The following MOB1A variants were observed in gnomAD, a reference collection of about 807,000 sequenced individuals.
MOB1A encodes the protein MOB kinase activator 1A, also known as MOB1 Mps One Binder homolog A.
In MOB1A, 10 loss-of-function variants were observed where a neutral mutation model predicts 25.1. The ratio of observed to expected loss-of-function variants is 0.40; its 90% confidence interval spans 0.25 to 0.68. The LOEUF (loss-of-function observed/expected upper bound fraction) is 0.68, where lower values mean the gene tolerates loss of function less well. MOB1A is among the 30% of genes least tolerant of loss of function. MOB1A has a pLI of 0.40. For synonymous variants in MOB1A, 81 were observed against 79.5 expected (o/e 1.02, Z -0.10); for missense variants, 177 against 256.3 (o/e 0.69, Z 2.11).
Position 74,156,612 on chromosome 2 carries a change from G to A in MOB1A, c.607C>T (p.Pro203Ser). 1 of 1,555,728 alleles carries A rather than the reference G, an allele frequency of 6.4e-7. No homozygotes were observed. The highest frequency in any genetic ancestry group is 8.7e-7 in the Non-Finnish European group (1 of 1,148,704). ...FNLIDRRELAPLQELIEKLGS... is the reference protein window; with the variant it reads ...FNLIDRRELASLQELIEKLGS... ...AGTTTCTCTATTAATTCTTGAAGAG[G>A]TGCCAGCTCACGCCTATCAATCAGA... is the stretch of plus-strand genomic sequence containing the variant. The change falls in exon 6 of 6, where the codon CCT (proline) becomes TCT (serine). Residue 203 changes from proline to serine, a missense_variant. Coordinates refer to ENST00000396049, the MANE Select transcript of MOB1A (RefSeq NM_018221.5).
rs1265255789 is a variant in MOB1A, at chr2:74,155,853, C to T, written c.*715G>A. On this transcript the variant is annotated 3_prime_UTR_variant, in exon 6 of 6. Transcript: ENST00000396049. ...AGACATTAAAAAATTACTTCTGATA[C>T]ACACACTCCTAATAATTTAGATAGA... The T allele has an allele frequency of 6.6e-6, 1 of 152,232 alleles. No individual in the cohort carries two copies. The highest frequency in any genetic ancestry group is 2.4e-5 in the African/African-American group (1 of 41,434). 9.4% of individuals were successfully genotyped at this position (152,232 alleles called of 1,614,324 possible). A position where few individuals can be genotyped will look rare whatever the true frequency, so the allele number is the denominator to read the frequency against.
intron 1 of MOB1A, chr2:74,173,274 C>T (rs551690047): frequency 2.0e-6 from 1 of 495,694 alleles, no homozygotes; most frequent in Non-Finnish European, 4.0e-6. Flanking sequence ...ACTATGCCCT[C>T]TGAAGAAGTC....
At chr2:74,175,816 C>A (rs565821308) in intron 1 of MOB1A, among the ~76,000 whole-genome samples, 6 of 152,130 alleles carry the variant, frequency 3.9e-5, no homozygotes, top group African/African-American at 1.4e-4. Context: ...CAGCAGGAGC[C>A]CATTTTGTAA....
In MOB1A at chr2:74,153,215, G is replaced by A. The variant is rs899468862; in HGVS notation, c.*3353C>T. 1.3e-5 allele frequency: 2 copies of A among 152,126 alleles called. No homozygotes were observed. Among genetic ancestry groups the A allele is most frequent in the Admixed American group, 6.6e-5 (1 of 15,258 alleles). The allele number at this position is 152,126 out of a possible 1,614,324, so 9.4% of individuals were successfully genotyped here. ...CGGTAGCACCAGCACCATGACTAGG[G>A]CTGCTTTAAAACAAATTTCTAGGAC... is the stretch of plus-strand genomic sequence containing the variant. On this transcript the variant is annotated 3_prime_UTR_variant, in exon 6 of 6. Transcript: ENST00000396049.
chr2:74,170,107 A>C (rs1364403162), intron 2 of MOB1A, among the ~76,000 whole-genome samples: 1 of 151,330 alleles, frequency 6.6e-6, no homozygotes, highest in Non-Finnish European at 1.5e-5. Flanking sequence ...AACAGATGAT[A>C]ATCTGAATAA....
intron 1 of MOB1A, among the ~76,000 whole-genome samples, chr2:74,175,448 G>A (rs1248021514): frequency 1.3e-5 from 2 of 152,184 alleles, no homozygotes; most frequent in Non-Finnish European, 2.9e-5. Flanking sequence ...AAAGGTTAGG[G>A]ACCACTGGAC....
intron 2 of MOB1A, among the ~76,000 whole-genome samples, chr2:74,172,012 T>C (rs141200166): frequency 6.6e-6 from 1 of 152,356 alleles, no homozygotes; most frequent in East Asian, 1.9e-4. Flanking sequence ...CCAGAAATGA[T>C]ATCATCTCAG....
At chr2:74,164,242 G>A (rs1242917278) in intron 4 of MOB1A, 2 of 152,236 alleles carry the variant, frequency 1.3e-5, no homozygotes, top group Non-Finnish European at 2.9e-5. Flanking sequence ...TTCCCAGCCA[G>A]GCGTGGTGGC....
chr2:74,171,305 A>C (rs1445646352), intron 2 of MOB1A, among the ~76,000 whole-genome samples: 1 of 151,784 alleles, frequency 6.6e-6, no homozygotes, highest in Non-Finnish European at 1.5e-5. Flanking sequence ...AAAATAAAAA[A>C]AAAATAAAAA....
rs1692787658 is a variant in MOB1A at position 74,155,769 on chromosome 2, CA to C, written c.*798del. 6.6e-6 allele frequency: 1 copy of C among 152,294 alleles called. No homozygotes were observed. The highest frequency in any genetic ancestry group is 2.4e-5 in the African/African-American group (1 of 41,388). 9.4% of individuals were successfully genotyped at this position (152,294 alleles called of 1,614,324 possible). A position where few individuals can be genotyped will look rare whatever the true frequency, so the allele number is the denominator to read the frequency against. Reference sequence around the variant, plus strand: ...AATATTTTGGATTCCTTTTCTCAGCCAAAAGCTACTATCTGAATTAAGCTTT... The same window carrying C: ...AATATTTTGGATTCCTTTTCTCAGCCAAAGCTACTATCTGAATTAAGCTTT... On this transcript the variant is annotated 3_prime_UTR_variant, in exon 6 of 6. Coordinates refer to ENST00000396049, the MANE Select transcript of MOB1A (RefSeq NM_018221.5).
Position 74,177,495 on chromosome 2 carries a change from G to A in MOB1A, c.14+1166C>T, listed in dbSNP as rs142446511. 9.4e-3 allele frequency among the ~76,000 whole-genome samples: 1,436 copies of A among 152,294 alleles called. 17 individuals carry two copies. The highest frequency in any genetic ancestry group is 0.048 in the Middle Eastern group (14 of 294). ...ATGGAAGTTAAATCTAAATCATACA[G>A]GCTTTTTGACAAGGTAATCGTATTT... On this transcript the variant is annotated intron_variant, in intron 1 of 5. Coordinates refer to ENST00000396049, the MANE Select transcript of MOB1A (RefSeq NM_018221.5).
chr2:74,168,682 T>TA (rs1410799768), intron 2 of MOB1A, among the ~76,000 whole-genome samples: 1 of 152,188 alleles, frequency 6.6e-6, no homozygotes, highest in Non-Finnish European at 1.5e-5. Context: ...AAGAAGTACC[T>TA]AAAAACAACT....
chr2:74,161,851 A>T (rs1692982645), intron 4 of MOB1A, among the ~76,000 whole-genome samples: 1 of 151,872 alleles, frequency 6.6e-6, no homozygotes, highest in Non-Finnish European at 1.5e-5. Flanking sequence ...CAGCTACTCA[A>T]GTGGCTGATG....
At chr2:74,170,140 T>TTTTTG (rs1693245931) in intron 2 of MOB1A, among the ~76,000 whole-genome samples, 1 of 143,260 alleles carries the variant, frequency 7.0e-6, no homozygotes, top group Non-Finnish European at 1.5e-5. Context: ...TTGTTTGTTT[T>TTTTTG]TGTGTGTGTG....
chr2:74,161,648 C>CA lies in MOB1A; in HGVS notation c.410-2395dup, dbSNP rs775202170. On this transcript the variant is annotated intron_variant, in intron 4 of 5. Coordinates refer to ENST00000396049, the MANE Select transcript of MOB1A (RefSeq NM_018221.5). The stretch of plus-strand genomic sequence containing the variant: ...TGGGCAACAGAGTGAGACTCCGCCT[C>CA]AAAAAAAAAAAAAAGCAGTATTCTG... 7.1e-3 allele frequency among the ~76,000 whole-genome samples: 727 copies of CA among 101,926 alleles called. 7 individuals are homozygous for CA. Among genetic ancestry groups the CA allele is most frequent in the Middle Eastern group, 0.023 (3 of 130 alleles). 66.9% of individuals were successfully genotyped at this position (101,926 alleles called of 152,430 possible).
Position 74,178,663 on chromosome 2 carries a change from G to T in MOB1A, c.12C>A (p.Leu4=). ...GCCCGCGGCCCGACCCCACTCACAA[G>T]AGGAAGCTCATCTTCGGTCCTCAGA... MSF[L]FSSRSSKTFK... is the part of the protein sequence containing the mutation. The change falls in exon 1 of 6, where the codon CTC becomes CTA. Residue 4 remains leucine (L), a splice_region_variant and synonymous_variant. Coordinates refer to ENST00000396049, the MANE Select transcript of MOB1A (RefSeq NM_018221.5). 7.3e-7 allele frequency: 1 copy of T among 1,369,056 alleles called. No homozygotes were observed. The allele number at this position is 1,369,056 out of a possible 1,614,324, so 84.8% of individuals were successfully genotyped here.
At chr2:74,173,709 G>T (rs1473432927) in intron 1 of MOB1A, among the ~76,000 whole-genome samples, 1 of 151,146 alleles carries the variant, frequency 6.6e-6, no homozygotes, top group Non-Finnish European at 1.5e-5. Context: ...CCAGCACTTT[G>T]GGAGGCCGAG....
intron 2 of MOB1A, among the ~76,000 whole-genome samples, chr2:74,168,986 C>T (rs1020065271): frequency 4.6e-5 from 7 of 152,100 alleles, no homozygotes; most frequent in Admixed American, 3.9e-4. Flanking sequence ...CTCAAGAGGG[C>T]ACAATGGTGT....
At chr2:74,178,386 C>T in intron 1 of MOB1A, 1 of 305,416 alleles carries the variant, frequency 3.3e-6, no homozygotes, top group Non-Finnish European at 6.0e-6. Context: ...TCCCCGCCCT[C>T]GGGGGCGCTC....
Sources: allele counts gnomAD v4.1 joint callset (sites outside exome capture counted in the v4.1 genomes callset), GRCh38; gene constraint gnomAD v4.1.1; transcripts MANE v1.5; gene names NCBI Gene and HGNC (gene_info 2026-07-23, HGNC 2026-07-21).